YLPM1: variants seen among roughly 807,000 people sequenced by gnomAD.
The protein encoded by YLPM1 is YLP motif containing 1.
YLPM1 carries 99 observed loss-of-function variants against 230.0 expected under a neutral mutation model. That is an observed-to-expected ratio of 0.43 (90% CI 0.37 to 0.51). YLPM1 has a LOEUF of 0.51. YLPM1 is among the 20% of genes least tolerant of loss of function. The pLI, the probability that YLPM1 is intolerant of heterozygous loss-of-function variation, is 0.00. For missense variants in YLPM1, 2,592 were observed against 2,707.7 expected (o/e 0.96, Z 0.95); for synonymous variants, 984 against 942.5 (o/e 1.04, Z -0.81).
At chr14:74,805,550 G>A (rs1030004006) in intron 6 of YLPM1, among the ~76,000 whole-genome samples, 3 of 150,232 alleles carry the variant, frequency 2.0e-5, no homozygotes, top group African/African-American at 7.3e-5. Flanking sequence ...AGGGTCTCGC[G>A]TTGTTGCCCA....
chr14:74,830,911 T>C (rs998202986), intron 19 of YLPM1, among the ~76,000 whole-genome samples: 2 of 152,194 alleles, frequency 1.3e-5, no homozygotes, highest in East Asian at 3.9e-4. Context: ...CAATTCAACA[T>C]GAGATTTGAA....
At chr14:74,810,533 T>C (rs909824436) in intron 9 of YLPM1, 113 bp downstream of exon 9, 31 of 1,129,384 alleles carry the variant, frequency 2.7e-5, no homozygotes, top group Non-Finnish European at 3.7e-5. Context: ...GTATATGTAA[T>C]TTGGAGGGGG....
At position 74,797,698 on chromosome 14, in the gene YLPM1, C is replaced by T; in HGVS notation, c.2401C>T (p.Pro801Ser). 6.2e-7 allele frequency: 1 copy of T among 1,613,034 alleles called. No homozygotes were observed. Among genetic ancestry groups the T allele is most frequent in the Non-Finnish European group, 8.5e-7 (1 of 1,179,406 alleles). ...GCCAAGACCCAGATATGAAGGTCAC[C>T]CAGCAGAGGGCACTAAAAGCAAGTG... Reference protein sequence around the residue: ...DGPRPRYEGHPAEGTKSKWGM... With the variant: ...DGPRPRYEGHSAEGTKSKWGM... Residue 801 changes from proline to serine, a missense_variant, in exon 5 of 21, where the codon CCA (proline) becomes TCA (serine). Pro to Ser is a moderately conservative substitution (Grantham distance 74, BLOSUM62 -1). Transcript: ENST00000325680.
At chr14:74,824,976 C>T (rs1275431426) in intron 18 of YLPM1, among the ~76,000 whole-genome samples, 2 of 152,010 alleles carry the variant, frequency 1.3e-5, no homozygotes, top group Non-Finnish European at 1.5e-5. Context: ...GTGAAAACTG[C>T]AAAATATTTT....
intron 4 of YLPM1, among the ~76,000 whole-genome samples, 170 bp downstream of exon 4, chr14:74,782,495 GCCC>G (rs2091106159): frequency 6.6e-6 from 1 of 152,054 alleles, no homozygotes; most frequent in Non-Finnish European, 1.5e-5. Context: ...AAGGTAACAT[GCCC>G]CCATTTCTTT....
chr14:74,763,340 G>T lies in YLPM1; in HGVS notation c.-150G>T. ...CCTTCCCGGTCGCGGGCCCAGCTCGGGAGCGCCGGCGCACTGGCGCGCTCC... is the reference window on the plus strand; with the variant it reads ...CCTTCCCGGTCGCGGGCCCAGCTCGTGAGCGCCGGCGCACTGGCGCGCTCC... On this transcript the variant is annotated 5_prime_UTR_variant, in exon 1 of 21. Transcript: ENST00000325680. 1 of 972,320 alleles carries T rather than the reference G, an allele frequency of 1.0e-6. No homozygotes were observed. The allele number at this position is 972,320 out of a possible 1,614,324, so 60.2% of individuals were successfully genotyped here.
rs1185104565 is a variant in YLPM1 at position 74,798,026 on chromosome 14, C to G, written c.2729C>G (p.Pro910Arg). 6.2e-7 allele frequency: 1 copy of G among 1,613,702 alleles called. No individual in the cohort carries two copies. Among genetic ancestry groups the G allele is most frequent in the Admixed American group, 1.7e-5 (1 of 59,972 alleles). The change falls in exon 5 of 21, where the codon CCT (proline) becomes CGT (arginine). Residue 910 changes from proline to arginine, a missense_variant. Around this residue, in one of 4 missense-constraint regions of YLPM1, gnomAD observed 1,862 missense variants for 1,819.8 expected, o/e 1.02. Transcript: ENST00000325680. Reference protein sequence around the residue: ...ENLSDSQQEPPKSEVSEGPVE... With the variant: ...ENLSDSQQEPRKSEVSEGPVE... ...CTAAGCGACTCTCAACAAGAGCCAC[C>G]TAAAAGTGAAGTCTCGGAAGGGCCC...
At chr14:74,819,954 G>A (rs148546334) in intron 16 of YLPM1, among the ~76,000 whole-genome samples, 254 of 152,106 alleles carry the variant, frequency 1.7e-3, no homozygotes, top group Admixed American at 4.3e-3. Flanking sequence ...GAATCTTTCC[G>A]GTAGCTTAGA....
At chr14:74,817,329 A>C (rs1307552642) in intron 15 of YLPM1, 52 bp downstream of exon 15, 37 of 1,485,304 alleles carry the variant, frequency 2.5e-5, no homozygotes, top group Non-Finnish European at 3.3e-5. Flanking sequence ...CTGCATAATG[A>C]TGTTTTGGTT....
intron 1 of YLPM1, among the ~76,000 whole-genome samples, chr14:74,772,900 A>G (rs1469229363): frequency 2.0e-5 from 3 of 152,186 alleles, no homozygotes; most frequent in African/African-American, 7.2e-5. Flanking sequence ...TATCATTATT[A>G]TTTATTTGCA....
In YLPM1 at chr14:74,782,343, T is replaced by TC. The variant is rs772616500; in HGVS notation, c.2282+19dup. The TC allele has an allele frequency of 1.2e-5, 18 of 1,490,470 alleles. No individual in the cohort carries two copies. Among genetic ancestry groups the TC allele is most frequent in the Middle Eastern group, 3.6e-4 (2 of 5,592 alleles). 92.3% of individuals were successfully genotyped at this position (1,490,470 alleles called of 1,614,324 possible). ...GGCCCAAGGTAGGTCTGCTTTTTTT[T>TC]CTCTTTTTTTTTGGTTTGGCTATTT... On this transcript the variant is annotated intron_variant, in intron 4 of 20. Transcript: ENST00000325680.
intron 4 of YLPM1, among the ~76,000 whole-genome samples, chr14:74,783,124 A>G (rs988511585): frequency 5.3e-5 from 8 of 152,154 alleles, no homozygotes; most frequent in Admixed American, 2.0e-4. Context: ...GTGTGCAGTG[A>G]TAGAATTATG....
At position 74,781,393 on chromosome 14, in the gene YLPM1, T is replaced by C; in HGVS notation, c.1350T>C (p.His450=). 6.3e-7 allele frequency: 1 copy of C among 1,594,306 alleles called. No homozygotes were observed. Among genetic ancestry groups the C allele is most frequent in the South Asian group, 1.1e-5 (1 of 88,466 alleles). The change falls in exon 4 of 21, where the codon CAT becomes CAC. Residue 450 remains histidine (H), a synonymous_variant. Coordinates refer to ENST00000325680, the MANE Select transcript of YLPM1 (RefSeq NM_019589.3). ...HYEMQQQQFQ[H]LYQEWEREFQ... is the part of the protein sequence containing the mutation. ...AGATGCAGCAGCAACAGTTTCAACA[T>C]CTTTACCAAGAATGGGAGCGAGAGT...
chr14:74,787,926 A>C (rs1303068014), intron 4 of YLPM1, among the ~76,000 whole-genome samples: 1 of 151,502 alleles, frequency 6.6e-6, no homozygotes, highest in Non-Finnish European at 1.5e-5. Flanking sequence ...GAGGCATGAG[A>C]ATTGCTTGAA....
chr14:74,764,767 C>A (rs1452934491), intron 1 of YLPM1, among the ~76,000 whole-genome samples: 1 of 152,192 alleles, frequency 6.6e-6, no homozygotes, highest in African/African-American at 2.4e-5. Context: ...AGGGCTGACA[C>A]TTGAATGTTT....
chr14:74,834,967 GA>G (rs995057912), intron 19 of YLPM1: 208 of 258,916 alleles, frequency 8.0e-4, no homozygotes, highest in East Asian at 1.4e-3. Context: ...GCTTTCAGGT[GA>G]AAAAAAAATG....
chr14:74,835,640 A>G (rs2091637574), intron 20 of YLPM1, 135 bp from the exon 21 acceptor site: 1 of 520,292 alleles, frequency 1.9e-6, no homozygotes, highest in African/African-American at 1.9e-5. Context: ...AAGCTGGCTC[A>G]CTTATAAAAA....
Position 74,799,295 on chromosome 14 carries a change from C to G in YLPM1, c.3998C>G (p.Pro1333Arg). Residue 1333 changes from proline (P) to arginine (R), a missense_variant, in exon 5 of 21, where the codon CCT (proline) becomes CGT (arginine). Coordinates refer to ENST00000325680, the MANE Select transcript of YLPM1 (RefSeq NM_019589.3). ...GAACGGGATATTCCATCTCTTCCACCTTTACCGCCCCTCCCACCTCTTCCA... is the reference window on the plus strand; with the variant it reads ...GAACGGGATATTCCATCTCTTCCACGTTTACCGCCCCTCCCACCTCTTCCA... ...FRERDIPSLP[P>R]LPPLPPLPPL... 6.2e-7 allele frequency: 1 copy of G among 1,613,962 alleles called. No individual in the cohort carries two copies. The highest frequency in any genetic ancestry group is 8.5e-7 in the Non-Finnish European group (1 of 1,179,874).
intron 1 of YLPM1, among the ~76,000 whole-genome samples, chr14:74,775,412 A>G (rs1233267930): frequency 6.6e-6 from 1 of 152,252 alleles, no homozygotes; most frequent in Non-Finnish European, 1.5e-5. Flanking sequence ...TATTTAATGC[A>G]TCTGTTTGCA....
Sources: allele counts gnomAD v4.1 joint callset (sites outside exome capture counted in the v4.1 genomes callset), GRCh38; gene constraint gnomAD v4.1.1; regional missense constraint gnomAD v4.1.1; transcripts MANE v1.5; gene names NCBI Gene and HGNC (gene_info 2026-07-23, HGNC 2026-07-21).